MYT1L: variants seen among roughly 807,000 people sequenced by gnomAD.
MYT1L encodes the protein myelin transcription factor 1 like, also known as myelin transcription factor 1-like protein.
In MYT1L, 12 loss-of-function variants were observed where a neutral mutation model predicts 126.7. The observed-to-expected ratio is 0.09, with a 90% confidence interval of 0.06 to 0.15. The LOEUF is 0.15. MYT1L is among the 10% of genes least tolerant of loss of function. MYT1L has a pLI of 1.00. For missense variants in MYT1L, 979 were observed against 1,585.2 expected, an observed-to-expected ratio of 0.62 and a Z score of 6.49; for synonymous variants, 541 against 604.2, an observed-to-expected ratio of 0.90 and a Z score of 1.53.
In MYT1L at chr2:1,889,612, C is replaced by T; in HGVS notation, c.2284-135G>A. ...GAATCCCTCGCTGCTGTTTCCTTGG[C>T]CTAAACTCCCAAGGCGGACAGGCCT... On this transcript the variant is annotated intron_variant, in intron 15 of 24. Coordinates refer to ENST00000647738, the MANE Select transcript of MYT1L (RefSeq NM_001303052.2). The surrounding 1 kb of genome is among the most constrained non-coding windows in gnomAD (Gnocchi z 4.1). The T allele has an allele frequency of 3.0e-6, 2 of 657,818 alleles. No homozygotes were observed. The highest frequency in any genetic ancestry group is 4.8e-6 in the Non-Finnish European group (2 of 413,972). The allele number at this position is 657,818 out of a possible 1,614,324, so 40.7% of individuals were successfully genotyped here.
chr2:1,797,989 C>T (rs369114420), intron 23 of MYT1L, among the ~76,000 whole-genome samples: 10 of 41,360 alleles, frequency 2.4e-4, no homozygotes, highest in Admixed American at 3.0e-4. Context: ...GCGGTCTCCC[C>T]CCATCCGGCA....
At chr2:2,283,660 AG>A (rs1160575188) in intron 2 of MYT1L, among the ~76,000 whole-genome samples, 2 of 152,176 alleles carry the variant, frequency 1.3e-5, no homozygotes, top group African/African-American at 4.8e-5. Context: ...CCAGGCAGTA[AG>A]GGCTGCTCAG....
At chr2:2,086,858 G>A (rs1278225390) in intron 3 of MYT1L, among the ~76,000 whole-genome samples, 1 of 152,176 alleles carries the variant, frequency 6.6e-6, no homozygotes, top group Non-Finnish European at 1.5e-5. Flanking sequence ...TCCCACACCT[G>A]CGCCACTGCT....
chr2:1,939,466 G>A (rs892023878), intron 9 of MYT1L, among the ~76,000 whole-genome samples: 7 of 152,184 alleles, frequency 4.6e-5, no homozygotes, highest in African/African-American at 1.7e-4. Context: ...GGTAGGCACC[G>A]TATGGAATCT....
chr2:1,797,152 T>C (rs1034592379), intron 23 of MYT1L, among the ~76,000 whole-genome samples: 1 of 152,092 alleles, frequency 6.6e-6, no homozygotes, highest in Non-Finnish European at 1.5e-5. Context: ...TTGAATGGGG[T>C]TGGGGAAACG....
intron 23 of MYT1L, chr2:1,800,213 A>C (rs1451186723): frequency 2.0e-5 from 3 of 152,264 alleles, no homozygotes; most frequent in African/African-American, 7.2e-5. Context: ...TCTCCTATAC[A>C]GTCCAAGATG....
At chr2:2,260,720 C>T (rs2094943525) in intron 2 of MYT1L, among the ~76,000 whole-genome samples, 1 of 151,874 alleles carries the variant, frequency 6.6e-6, no homozygotes, top group African/African-American at 2.4e-5. Flanking sequence ...AGAATTTTCC[C>T]TAGATTTCCT....
intron 8 of MYT1L, among the ~76,000 whole-genome samples, chr2:1,961,512 C>A (rs2058958048): frequency 6.6e-6 from 1 of 152,192 alleles, no homozygotes; most frequent in African/African-American, 2.4e-5. Flanking sequence ...GAACTGACAG[C>A]ACCTTTGCCT....
At chr2:2,083,714 T>G (rs2076072521) in intron 3 of MYT1L, among the ~76,000 whole-genome samples, 1 of 152,144 alleles carries the variant, frequency 6.6e-6, no homozygotes, top group Non-Finnish European at 1.5e-5. Context: ...GGGCCAGGGA[T>G]GTGGGCAGGA....
chr2:2,199,199 G>T (rs1366775743), intron 2 of MYT1L, among the ~76,000 whole-genome samples: 1 of 152,208 alleles, frequency 6.6e-6, no homozygotes, highest in African/African-American at 2.4e-5. Context: ...TAAAGTGTGG[G>T]ACTGCTTCTT....
chr2:1,947,975 C>T (rs1212460781), intron 8 of MYT1L, among the ~76,000 whole-genome samples: 1 of 152,242 alleles, frequency 6.6e-6, no homozygotes, highest in African/African-American at 2.4e-5. Context: ...GTGTTGTTAA[C>T]ACCTCTTTGA....
chr2:2,189,507 T>C (rs2092436258), intron 2 of MYT1L, among the ~76,000 whole-genome samples: 1 of 152,238 alleles, frequency 6.6e-6, no homozygotes, highest in Non-Finnish European at 1.5e-5. Context: ...GCTCTTTCAA[T>C]AAATGTCTTT....
chr2:2,320,607 C>T lies in MYT1L; in HGVS notation c.-521+10360G>A, dbSNP rs1023601871. On this transcript the variant is annotated intron_variant, in intron 1 of 24. Transcript: ENST00000647738. ...CTGTTAGAACAACTACCATCATTGA[C>T]GCCAGCCTACAGGATATGAGGCCAA... Among the ~76,000 whole-genome samples the T allele has an allele frequency of 8.5e-5, 13 of 152,194 alleles. 1 individual carries two copies. Among genetic ancestry groups the T allele is most frequent in the South Asian group, 2.1e-4 (1 of 4,822 alleles).
intron 3 of MYT1L, among the ~76,000 whole-genome samples, chr2:2,070,042 G>T (rs1056265433): frequency 6.6e-6 from 1 of 151,578 alleles, no homozygotes; most frequent in Admixed American, 6.6e-5. Context: ...ACCATAATGA[G>T]ATACCATCAC....
chr2:2,243,545 T>C (rs1485022859), intron 2 of MYT1L, among the ~76,000 whole-genome samples: 3 of 152,180 alleles, frequency 2.0e-5, no homozygotes, highest in Non-Finnish European at 4.4e-5. Context: ...TGGTACCTAG[T>C]TGTGTATAAT....
Position 2,102,522 on chromosome 2 carries a change from T to A in MYT1L, c.-303-48399A>T, listed in dbSNP as rs141684194. On this transcript the variant is annotated intron_variant, in intron 3 of 24. Transcript: ENST00000647738. ...CAGATCCTTCCCAAGATTTTCCCAT[T>A]CTACCTTTCTTATTACAGAAAAGGT... 4.0e-3 allele frequency among the ~76,000 whole-genome samples: 614 copies of A among 152,218 alleles called. 4 individuals carry two copies. The highest frequency in any genetic ancestry group is 0.014 in the African/African-American group (584 of 41,536).
At chr2:2,147,703 C>A (rs1365896424) in intron 3 of MYT1L, among the ~76,000 whole-genome samples, 2 of 152,212 alleles carry the variant, frequency 1.3e-5, no homozygotes, top group South Asian at 2.1e-4. Flanking sequence ...AAGCTGCCAA[C>A]CTGCTCACGA....
At chr2:2,081,692 C>A (rs1355997923) in intron 3 of MYT1L, among the ~76,000 whole-genome samples, 1 of 152,140 alleles carries the variant, frequency 6.6e-6, no homozygotes, top group African/African-American at 2.4e-5. Flanking sequence ...AGAGGTTATT[C>A]TTTTTAACCT....
Position 2,059,940 on chromosome 2 carries a change from CA to C in MYT1L, c.-303-5818del, listed in dbSNP as rs1574900175. 1.3e-5 allele frequency among the ~76,000 whole-genome samples: 2 copies of C among 152,066 alleles called. No homozygotes were observed. Among genetic ancestry groups the C allele is most frequent in the Admixed American group, 1.3e-4 (2 of 15,270 alleles). On this transcript the variant is annotated intron_variant, in intron 3 of 24. Transcript: ENST00000647738. The surrounding 1 kb of genome is among the most constrained non-coding windows in gnomAD (Gnocchi z 4.7). ...ACTGTAGATCTCCTAAGCGGCACCC[CA>C]ACCCCACCACGAGCTCGTCAGGGCA...
Sources: gnomAD v4.1 joint callset for allele counts (sites outside exome capture counted in the v4.1 genomes callset) on GRCh38, gnomAD v4.1.1 for gene constraint, Gnocchi (gnomAD v3.1) non-coding constraint, MANE v1.5 for transcripts, NCBI Gene and HGNC (gene_info 2026-07-23, HGNC 2026-07-21) for gene names.